The following TRPM3 variants were observed in gnomAD, a reference collection of about 807,000 sequenced individuals.
The protein encoded by TRPM3 is long transient receptor potential channel 3.
A neutral mutation model predicts 181.2 loss-of-function variants in TRPM3; 77 were observed. The observed-to-expected ratio is 0.42, with a 90% CI of 0.35 to 0.51. The LOEUF (loss-of-function observed/expected upper bound fraction) is 0.51. TRPM3 is among the 20% of genes least tolerant of loss of function. TRPM3 has a pLI of 0.01. For missense variants in TRPM3, 1,759 were observed against 2,196.7 expected (o/e 0.80, Z 3.98); for synonymous variants, 745 against 796.4 (o/e 0.94, Z 1.09).
intron 1 of TRPM3, among the ~76,000 whole-genome samples, chr9:71,005,447 T>G (rs1432292387): frequency 6.7e-6 from 1 of 150,362 alleles, no homozygotes; most frequent in Non-Finnish European, 1.5e-5. Context: ...AGCAACCAAA[T>G]TCAACCCAAA....
At chr9:71,056,009 A>G (rs1033490190) in intron 1 of TRPM3, among the ~76,000 whole-genome samples, 18 of 152,108 alleles carry the variant, frequency 1.2e-4, no homozygotes, top group Non-Finnish European at 1.2e-4. Context: ...TAGAGCCATT[A>G]TCTCCTCTAA....
rs1484124208 is a variant in TRPM3 at position 71,319,020 on chromosome 9, G to A, written c.183+127633C>T. Among the ~76,000 whole-genome samples, 29 of 15,810 alleles carry A rather than the reference G, an allele frequency of 1.8e-3. 1 individual carries two copies. In the Admixed American group the frequency reaches 0.025, roughly 14 times the overall value. 10.4% of individuals were successfully genotyped at this position (15,810 alleles called of 152,430 possible). ...AAATATTATGTAAATTATATAGTAT[G>A]TACAAAATTGTGAGATTCACCAATT... is the stretch of plus-strand genomic sequence containing the variant. On this transcript the variant is annotated intron_variant, in intron 1 of 24. Coordinates refer to the TRPM3 transcript ENST00000357533.
chr9:71,162,430 G>C (rs2076327174), intron 1 of TRPM3, among the ~76,000 whole-genome samples: 2 of 152,032 alleles, frequency 1.3e-5, no homozygotes, highest in East Asian at 3.9e-4. Flanking sequence ...CAATCATTTA[G>C]ATCACTAGTT....
At chr9:71,132,495 A>G (rs755566543) in intron 1 of TRPM3, among the ~76,000 whole-genome samples, 12 of 152,174 alleles carry the variant, frequency 7.9e-5, no homozygotes, top group Non-Finnish European at 2.9e-5. Flanking sequence ...AAAGGGACAT[A>G]AGGAACATTT....
In TRPM3 at chr9:70,832,461, C is replaced by T. The variant is rs140205472; in HGVS notation, c.802-4443G>A. On this transcript the variant is annotated intron_variant, in intron 5 of 25. Transcript: ENST00000677713. ...ATGAGAGAATTCTTGCCTCATTAAT[C>T]CATTGTACACCTTTTAATACTGGCT... is the stretch of plus-strand genomic sequence containing the variant. 7.9e-5 allele frequency among the ~76,000 whole-genome samples: 12 copies of T among 152,200 alleles called. No individual in the cohort carries two copies. In the East Asian group the frequency reaches 2.3e-3, roughly 29 times the overall value.
chr9:71,092,314 C>T (rs1056837309), intron 1 of TRPM3, among the ~76,000 whole-genome samples: 10 of 152,054 alleles, frequency 6.6e-5, no homozygotes, highest in African/African-American at 1.9e-4. Flanking sequence ...AGTGGAGCAA[C>T]CTGAATAAAG....
rs60150251 is a variant in TRPM3 at position 71,266,352 on chromosome 9, T to A, written c.183+180301A>T. 3.4e-3 allele frequency among the ~76,000 whole-genome samples: 523 copies of A among 152,150 alleles called. 4 individuals carry two copies. Among genetic ancestry groups the A allele is most frequent in the African/African-American group, 0.012 (505 of 41,514 alleles). ...CATGAGGGAGTGGCAAAAAAAAAGGTCTACCTTTGATGCTCCAGTAAGAAA... is the reference window on the plus strand; with the variant it reads ...CATGAGGGAGTGGCAAAAAAAAAGGACTACCTTTGATGCTCCAGTAAGAAA... On this transcript the variant is annotated intron_variant, in intron 1 of 24. Coordinates refer to the TRPM3 transcript ENST00000357533.
intron 1 of TRPM3, among the ~76,000 whole-genome samples, chr9:71,398,596 C>T (rs749382474): frequency 6.6e-6 from 1 of 152,106 alleles, no homozygotes; most frequent in African/African-American, 2.4e-5. Flanking sequence ...TCTGCTCCAC[C>T]AAGGTAAAAC....
In TRPM3 at chr9:71,443,567, A is replaced by G. The variant is rs555336916; in HGVS notation, c.183+3086T>C. Among the ~76,000 whole-genome samples, 3 of 152,304 alleles carry G rather than the reference A, an allele frequency of 2.0e-5. No individual in the cohort carries two copies. The South Asian group carries it at 6.2e-4, about 32-fold the overall frequency. On this transcript the variant is annotated intron_variant, in intron 1 of 24. Transcript: ENST00000357533. ...ACACATTTTCTACTGTAGGCCTGCC[A>G]TACTCCATAAGAGCATCAAGACTTC...
chr9:70,579,526 A>T (rs2132316636), intron 22 of TRPM3: 1 of 152,204 alleles, frequency 6.6e-6, no homozygotes, highest in Non-Finnish European at 1.5e-5. Flanking sequence ...GTAGTATATA[A>T]ATGCATTCAT....
chr9:71,396,385 C>T (rs943108888), intron 1 of TRPM3, among the ~76,000 whole-genome samples: 8 of 151,346 alleles, frequency 5.3e-5, no homozygotes, highest in African/African-American at 1.9e-4. Context: ...TATTTAACAA[C>T]TTTTAAGAGT....
At chr9:70,882,546 A>AT (rs1326960875) in intron 1 of TRPM3, among the ~76,000 whole-genome samples, 5 of 151,988 alleles carry the variant, frequency 3.3e-5, no homozygotes, top group Non-Finnish European at 5.9e-5. Context: ...CAGGTACTTT[A>AT]TTTTTTTCAG....
At chr9:70,781,349 A>AAG (rs2082419360) in intron 7 of TRPM3, among the ~76,000 whole-genome samples, 1 of 144,140 alleles carries the variant, frequency 6.9e-6, no homozygotes, top group African/African-American at 2.6e-5. Context: ...AAAAAAAAAA[A>AAG]GAAAACATGA....
chr9:71,341,680 A>G (rs200992508), intron 1 of TRPM3, among the ~76,000 whole-genome samples: 1 of 78,900 alleles, frequency 1.3e-5, no homozygotes, highest in Admixed American at 1.7e-4. Flanking sequence ...AAAAAAAAAA[A>G]AAGAAAAAAC....
intron 1 of TRPM3, among the ~76,000 whole-genome samples, chr9:70,874,539 G>T (rs1041155876): frequency 6.6e-6 from 1 of 151,842 alleles, no homozygotes; most frequent in South Asian, 2.1e-4. Context: ...TTCGTTTTCT[G>T]TCAAGTAAAT....
At chr9:70,692,064 GCTTT>G (rs564279797) in intron 8 of TRPM3, among the ~76,000 whole-genome samples, 2 of 152,322 alleles carry the variant, frequency 1.3e-5, no homozygotes, top group South Asian at 2.1e-4. Flanking sequence ...CGCTTGCGGG[GCTTT>G]CTTTTTTCCC....
chr9:70,694,406 C>T (rs547372217), intron 8 of TRPM3, among the ~76,000 whole-genome samples: 5 of 152,212 alleles, frequency 3.3e-5, no homozygotes, highest in Admixed American at 6.5e-5. Context: ...CTAATAGGCC[C>T]TGTCTCCTAC....
chr9:70,909,722 A>G (rs2096518285), intron 1 of TRPM3, among the ~76,000 whole-genome samples: 1 of 152,228 alleles, frequency 6.6e-6, no homozygotes, highest in Non-Finnish European at 1.5e-5. Context: ...ATAAACATAT[A>G]TAAGATCAAG....
chr9:71,398,474 A>G (rs1765614740), intron 1 of TRPM3, among the ~76,000 whole-genome samples: 1 of 152,062 alleles, frequency 6.6e-6, no homozygotes, highest in Admixed American at 6.6e-5. Flanking sequence ...ACCTGGTGGG[A>G]GGTGATTGGA....
Sources: allele counts gnomAD v4.1 joint callset (sites outside exome capture counted in the v4.1 genomes callset), GRCh38; gene constraint gnomAD v4.1.1; transcripts MANE v1.5; gene names NCBI Gene and HGNC (gene_info 2026-07-23, HGNC 2026-07-21).